Variants in TENM3 observed in about 807,000 individuals in gnomAD.
TENM3 encodes the protein teneurin transmembrane protein 3.
In TENM3, 63 loss-of-function variants were observed where a neutral mutation model predicts 255.1. That is an observed-to-expected ratio of 0.25 (90% CI 0.20 to 0.30). TENM3 has a LOEUF of 0.30. TENM3 is among the 10% of genes least tolerant of loss of function. The pLI, the probability that TENM3 is intolerant of heterozygous loss-of-function variation, is 1.00. For missense variants in TENM3, 2,929 were observed against 3,461.1 expected, an observed-to-expected ratio of 0.85 and a Z score of 3.86; for synonymous variants, 1,306 against 1,322.3, an observed-to-expected ratio of 0.99 and a Z score of 0.27.
chr4:182,214,102 A>AATTTC (rs1165050011), intron 1 of TENM3, among the ~76,000 whole-genome samples: 6 of 152,166 alleles, frequency 3.9e-5, no homozygotes, highest in Non-Finnish European at 8.8e-5. Context: ...GCGCCTAGCC[A>AATTTC]GAAATGCAGC....
upstream of TENM3, among the ~76,000 whole-genome samples, chr4:182,139,011 C>A (rs886837829): frequency 6.6e-6 from 1 of 152,136 alleles, no homozygotes; most frequent in Non-Finnish European, 1.5e-5. Flanking sequence ...GGGCTAAAGA[C>A]AATGAAAATA....
chr4:182,439,385 A>G (rs1215795971), intron 3 of TENM3, among the ~76,000 whole-genome samples: 1 of 152,222 alleles, frequency 6.6e-6, no homozygotes, highest in Non-Finnish European at 1.5e-5. Context: ...TTTATAAACC[A>G]AGACAGACCC....
intron 3 of TENM3, among the ~76,000 whole-genome samples, chr4:182,463,603 C>G (rs1021380287): frequency 6.6e-6 from 1 of 151,038 alleles, no homozygotes; most frequent in African/African-American, 2.4e-5. Context: ...GGATTACAGG[C>G]GCCTGCCACT....
the TENM3 span, among the ~76,000 whole-genome samples, chr4:181,995,723 T>C: frequency 6.6e-6 from 1 of 152,166 alleles, no homozygotes; most frequent in Non-Finnish European, 1.5e-5. Context: ...GCGTTCAGTA[T>C]TTTATGCCTA....
At chr4:182,493,076 G>A (rs1196842505) in intron 3 of TENM3, among the ~76,000 whole-genome samples, 2 of 151,980 alleles carry the variant, frequency 1.3e-5, no homozygotes, top group South Asian at 2.1e-4. Flanking sequence ...AAAGAAAAAT[G>A]CATTCTTATA....
At chr4:182,106,080 A>C in the TENM3 span, among the ~76,000 whole-genome samples, 1 of 152,166 alleles carries the variant, frequency 6.6e-6, no homozygotes, top group South Asian at 2.1e-4. Context: ...AACAGTCACA[A>C]TCTGGCTAGC....
At chr4:182,006,992 A>G in the TENM3 span, among the ~76,000 whole-genome samples, 2 of 152,096 alleles carry the variant, frequency 1.3e-5, no homozygotes, top group African/African-American at 4.8e-5. Flanking sequence ...TTTACCCAGG[A>G]GTCATTCAGG....
intron 13 of TENM3, among the ~76,000 whole-genome samples, chr4:182,725,641 T>TTC (rs1219002769): frequency 1.0e-4 from 15 of 147,670 alleles, no homozygotes; most frequent in African/African-American, 2.7e-4. Context: ...TTTTTCTTTT[T>TTC]TTTTTTTTCT....
the TENM3 span, among the ~76,000 whole-genome samples, chr4:181,609,466 A>G: frequency 2.2e-4 from 34 of 152,238 alleles, no homozygotes; most frequent in South Asian, 1.0e-3. Flanking sequence ...TGTTCTTACC[A>G]TTAGGAGAAC....
At chr4:182,018,052 T>C in the TENM3 span, among the ~76,000 whole-genome samples, 1 of 152,136 alleles carries the variant, frequency 6.6e-6, no homozygotes. Context: ...CTGGAAATGA[T>C]GTTGTGATCA....
chr4:182,085,506 T>C, the TENM3 span, among the ~76,000 whole-genome samples: 31,202 of 152,096 alleles, frequency 0.21, 3,212 homozygotes, highest in Middle Eastern at 0.33. Context: ...ATTAAAGCAA[T>C]AGGAAATAGC....
chr4:182,295,264 T>G (rs1490524928), intron 1 of TENM3, among the ~76,000 whole-genome samples: 1 of 124,992 alleles, frequency 8.0e-6, no homozygotes, highest in Non-Finnish European at 1.7e-5. Context: ...TGCTTTTCTT[T>G]TTTTTTTTTT....
At chr4:181,690,759 A>G in the TENM3 span, among the ~76,000 whole-genome samples, 5 of 152,214 alleles carry the variant, frequency 3.3e-5, no homozygotes, top group African/African-American at 1.2e-4. Context: ...TTTAGGTGAC[A>G]TATAAAAAAT....
At chr4:182,288,523 C>T (rs1403804053) in intron 1 of TENM3, among the ~76,000 whole-genome samples, 1 of 152,192 alleles carries the variant, frequency 6.6e-6, no homozygotes, top group Non-Finnish European at 1.5e-5. Flanking sequence ...ATGTGTCTGG[C>T]ACGTGGTGGG....
intron 1 of TENM3, among the ~76,000 whole-genome samples, chr4:182,290,508 G>A (rs1761045412): frequency 6.6e-6 from 1 of 152,114 alleles, no homozygotes; most frequent in African/African-American, 2.4e-5. Context: ...TAAATAGGAG[G>A]TTTTGTTTTA....
At chr4:181,966,684 G>T in the TENM3 span, among the ~76,000 whole-genome samples, 474 of 152,266 alleles carry the variant, frequency 3.1e-3, 5 homozygotes, top group African/African-American at 0.011. Flanking sequence ...GATGTAATTT[G>T]AAGACATTGT....
At chr4:181,845,270 T>G in the TENM3 span, among the ~76,000 whole-genome samples, 3 of 152,118 alleles carry the variant, frequency 2.0e-5, no homozygotes, top group African/African-American at 7.2e-5. Flanking sequence ...AGCTCTATAG[T>G]AATAAGATTC....
intron 1 of TENM3, among the ~76,000 whole-genome samples, chr4:182,212,716 G>T (rs1365528773): frequency 1.3e-5 from 2 of 152,178 alleles, no homozygotes; most frequent in African/African-American, 2.4e-5. Flanking sequence ...AACTCTTTGA[G>T]AGTGAAACAG....
rs1042515924 is a variant in TENM3 at position 182,258,590 on chromosome 4, G to A, written c.-76+15114G>A. ...GGGCTAATTTGCAATTCAAAGAACA[G>A]GTATTGTTATGTAAGAAGTCAGAAT... On this transcript the variant is annotated intron_variant, in intron 1 of 27. Transcript: ENST00000511685. Among the ~76,000 whole-genome samples the A allele has an allele frequency of 4.6e-5, 7 of 152,132 alleles. No homozygotes were observed. The East Asian group carries it at 1.4e-3, about 29-fold the overall frequency.
Sources: gnomAD v4.1 joint callset for allele counts (sites outside exome capture counted in the v4.1 genomes callset) on GRCh38, gnomAD v4.1.1 for gene constraint, MANE v1.5 for transcripts, NCBI Gene and HGNC (gene_info 2026-07-23, HGNC 2026-07-21) for gene names.